The following COL11A1 variants were observed in gnomAD, a reference collection of about 807,000 sequenced individuals.
COL11A1 encodes the protein collagen type XI alpha 1 chain.
In COL11A1, 74 loss-of-function variants were observed where a neutral mutation model predicts 265.2. The observed-to-expected ratio is 0.28, with a 90% CI of 0.23 to 0.34. COL11A1 has a LOEUF of 0.34. COL11A1 is among the 10% of genes least tolerant of loss of function. COL11A1 has a pLI of 1.00. For synonymous variants in COL11A1, 816 were observed against 727.6 expected (o/e 1.12, Z -1.96); for missense variants, 2,165 against 2,263.6 (o/e 0.96, Z 0.88).
At position 102,914,916 on chromosome 1, in the gene COL11A1, T is replaced by A. The variant is rs116009678; in HGVS notation, c.3817-105A>T. The stretch of plus-strand genomic sequence containing the variant: ...CTTGGCACACTGGGCCAGAATATAT[T>A]TTTTTTTTAGACGGAATATCACTTT... On this transcript the variant is annotated intron_variant, in intron 50 of 66. Transcript: ENST00000370096. 0.072 allele frequency: 64,952 copies of A among 904,428 alleles called. 2,665 individuals carry two copies. Among genetic ancestry groups the A allele is most frequent in the Non-Finnish European group, 0.087 (50,859 of 586,184 alleles). 56.0% of individuals were successfully genotyped at this position (904,428 alleles called of 1,614,324 possible). A position where few individuals can be genotyped will look rare whatever the true frequency, so the allele number is the denominator to read the frequency against.
intron 18 of COL11A1, 39 bp downstream of exon 18, chr1:103,005,799 A>G (rs2101850611): frequency 1.2e-6 from 2 of 1,610,008 alleles, no homozygotes; most frequent in South Asian, 2.2e-5. Context: ...AAAATATTTT[A>G]TAACATTCCC....
At position 103,098,205 on chromosome 1, in the gene COL11A1, C is replaced by G. The variant is rs371681928; in HGVS notation, c.106+9868G>C. On this transcript the variant is annotated intron_variant, in intron 1 of 66. Coordinates refer to ENST00000370096, the MANE Select transcript of COL11A1 (RefSeq NM_001854.4). ...GAGAAGGATTAAAAGAAAGCATTTT[C>G]TATATTGTAATTAGTTGATCTCCTC... Among the ~76,000 whole-genome samples, 8 of 151,994 alleles carry G rather than the reference C, an allele frequency of 5.3e-5. No individual in the cohort carries two copies. In the South Asian group the frequency reaches 1.7e-3, roughly 31 times the overall value.
chr1:102,901,760 A>T (rs1653236356), intron 54 of COL11A1, among the ~76,000 whole-genome samples: 1 of 152,206 alleles, frequency 6.6e-6, no homozygotes, highest in South Asian at 2.1e-4. Context: ...TATTCTTCAT[A>T]TAAAGCATCT....
intron 41 of COL11A1, among the ~76,000 whole-genome samples, chr1:102,957,441 G>A (rs1660485478): frequency 6.6e-6 from 1 of 151,936 alleles, no homozygotes; most frequent in African/African-American, 2.4e-5. Context: ...TGTGCAATGA[G>A]GGAATTTATT....
chr1:102,887,501 A>C (rs1651140949), intron 62 of COL11A1, among the ~76,000 whole-genome samples: 1 of 152,174 alleles, frequency 6.6e-6, no homozygotes, highest in Non-Finnish European at 1.5e-5. Flanking sequence ...ATTAAACTTT[A>C]AAAAATATGT....
intron 14 of COL11A1, among the ~76,000 whole-genome samples, chr1:103,008,948 AT>A (rs1368174779): frequency 1.3e-5 from 2 of 152,216 alleles, no homozygotes; most frequent in African/African-American, 2.4e-5. Flanking sequence ...CTGCTTTTAT[AT>A]TCAGATTTTT....
chr1:103,058,940 T>A (rs1305612475), intron 4 of COL11A1, among the ~76,000 whole-genome samples: 4 of 152,058 alleles, frequency 2.6e-5, no homozygotes, highest in Non-Finnish European at 5.9e-5. Context: ...TGTTTTGGGG[T>A]CTCATAAACC....
At chr1:102,932,567 G>A (rs1216696088) in intron 46 of COL11A1, among the ~76,000 whole-genome samples, 1 of 152,208 alleles carries the variant, frequency 6.6e-6, no homozygotes, top group South Asian at 2.1e-4. Context: ...ACAATTATGT[G>A]TCTTGGAGTT....
Position 102,965,945 on chromosome 1 carries a change from T to C in COL11A1, c.2863-405A>G, listed in dbSNP as rs376140892. On this transcript the variant is annotated intron_variant, in intron 37 of 66. Coordinates refer to ENST00000370096, the MANE Select transcript of COL11A1 (RefSeq NM_001854.4). Reference sequence around the variant, plus strand: ...ATTCACAGCCTGTGATATTAATACATTTCTCTCTATTGTATTCCAAAAATC... The same window carrying C: ...ATTCACAGCCTGTGATATTAATACACTTCTCTCTATTGTATTCCAAAAATC... 2.6e-5 allele frequency among the ~76,000 whole-genome samples: 4 copies of C among 152,328 alleles called. No individual in the cohort carries two copies. In the East Asian group the frequency reaches 7.7e-4, roughly 29 times the overall value.
At chr1:103,097,245 T>C (rs1425778807) in intron 1 of COL11A1, among the ~76,000 whole-genome samples, 1 of 151,956 alleles carries the variant, frequency 6.6e-6, no homozygotes, top group Non-Finnish European at 1.5e-5. Flanking sequence ...AATCTATCTT[T>C]ATGATCTTGT....
At chr1:103,030,666 T>C (rs949325443) in intron 5 of COL11A1, among the ~76,000 whole-genome samples, 1 of 152,084 alleles carries the variant, frequency 6.6e-6, no homozygotes, top group African/African-American at 2.4e-5. Flanking sequence ...AAAAACCCTC[T>C]AATTGTTCAA....
chr1:102,958,852 T>G (rs538119793), intron 41 of COL11A1, among the ~76,000 whole-genome samples: 2 of 152,184 alleles, frequency 1.3e-5, no homozygotes, highest in African/African-American at 4.8e-5. Flanking sequence ...TGGTTTTTGT[T>G]TGTTCTTGCT....
intron 4 of COL11A1, among the ~76,000 whole-genome samples, chr1:103,058,725 C>T (rs1034572053): frequency 1.3e-5 from 2 of 152,096 alleles, no homozygotes; most frequent in Non-Finnish European, 2.9e-5. Context: ...TCAGTTGAGC[C>T]AGTTGAGCAG....
At position 103,002,370 on chromosome 1, in the gene COL11A1, T is replaced by C. The variant is rs537409445; in HGVS notation, c.2097+58A>G. ...AATTGTGAGACTGTCGATTTTCTTA[T>C]AGAAAGATAGCATCTTCCCCCCATT... On this transcript the variant is annotated intron_variant, in intron 23 of 66. Coordinates refer to ENST00000370096, the MANE Select transcript of COL11A1 (RefSeq NM_001854.4). 2.0e-5 allele frequency: 28 copies of C among 1,396,102 alleles called. No homozygotes were observed. In the Admixed American group the frequency reaches 3.8e-4, roughly 19 times the overall value. 86.5% of individuals were successfully genotyped at this position (1,396,102 alleles called of 1,614,324 possible). A position where few individuals can be genotyped will look rare whatever the true frequency, so the allele number is the denominator to read the frequency against.
At chr1:103,097,387 C>T (rs566309247) in intron 1 of COL11A1, among the ~76,000 whole-genome samples, 2 of 151,858 alleles carry the variant, frequency 1.3e-5, no homozygotes, top group African/African-American at 2.4e-5. Flanking sequence ...TTCATAAAGG[C>T]CTTCACATCA....
chr1:102,937,452 A>G (rs1658263341), intron 44 of COL11A1, among the ~76,000 whole-genome samples: 1 of 152,208 alleles, frequency 6.6e-6, no homozygotes, highest in Non-Finnish European at 1.5e-5. Flanking sequence ...GTTTGTCCCC[A>G]CTAAAACTCA....
intron 44 of COL11A1, 109 bp from the exon 45 acceptor site, chr1:102,935,222 G>GA: frequency 1.2e-6 from 1 of 806,132 alleles, no homozygotes; most frequent in Non-Finnish European, 2.1e-6. Flanking sequence ...CACTCCTTTG[G>GA]AAAAAAAGAA....
At chr1:102,997,011 G>A in intron 26 of COL11A1, 69 bp downstream of exon 26, 3 of 1,292,550 alleles carry the variant, frequency 2.3e-6, no homozygotes, top group Non-Finnish European at 3.4e-6. Context: ...TATATGAGAT[G>A]ACCAAATTAA....
At chr1:102,961,222 A>G (rs988817631) in intron 41 of COL11A1, among the ~76,000 whole-genome samples, 15 of 152,170 alleles carry the variant, frequency 9.9e-5, no homozygotes, top group Admixed American at 4.6e-4. Flanking sequence ...AATGAAGCAT[A>G]CATTCAATTG....
Sources: allele counts gnomAD v4.1 joint callset (sites outside exome capture counted in the v4.1 genomes callset), GRCh38; gene constraint gnomAD v4.1.1; transcripts MANE v1.5; gene names NCBI Gene and HGNC (gene_info 2026-07-23, HGNC 2026-07-21).